Variants in RECQL observed in about 807,000 individuals in gnomAD.
RECQL encodes the protein RecQ like helicase.
Under a neutral mutation model 75.8 loss-of-function variants are expected in RECQL, and 73 were observed. The ratio of observed to expected loss-of-function variants is 0.96; its 90% CI spans 0.80 to 1.17. RECQL has a LOEUF of 1.17. RECQL is among the 50% of genes most tolerant of loss of function. The probability of loss-of-function intolerance (pLI) is 0.00; values close to 1 mark genes in which losing one functional copy is unlikely to be tolerated. For missense variants in RECQL, 699 were observed against 772.1 expected, an observed-to-expected ratio of 0.91 and a Z score of 1.12; for synonymous variants, 248 against 254.4, an observed-to-expected ratio of 0.97 and a Z score of 0.24.
At chr12:21,488,448 C>G (rs1943347281) in intron 4 of RECQL, among the ~76,000 whole-genome samples, 1 of 152,168 alleles carries the variant, frequency 6.6e-6, no homozygotes, top group Non-Finnish European at 1.5e-5. Context: ...CAGTGGCCAT[C>G]TCCACACTAA....
chr12:21,476,847 T>TA (rs1343509276), intron 8 of RECQL, 64 bp downstream of exon 8: 12 of 1,010,040 alleles, frequency 1.2e-5, no homozygotes, highest in African/African-American at 1.6e-5. Context: ...TAATTATCAA[T>TA]ATGATATGAA....
intron 6 of RECQL, among the ~76,000 whole-genome samples, chr12:21,478,746 A>T (rs1943134902): frequency 6.6e-6 from 1 of 152,152 alleles, no homozygotes; most frequent in African/African-American, 2.4e-5. Context: ...TCCAAGTTAG[A>T]GCTGACCCAA....
Position 21,490,290 on chromosome 12 carries a change from G to T in RECQL, c.303C>A (p.Asn101Lys). The T allele has an allele frequency of 1.2e-6, 2 of 1,612,400 alleles. No homozygotes were observed. Among genetic ancestry groups the T allele is most frequent in the Non-Finnish European group, 1.7e-6 (2 of 1,178,674 alleles). The change falls in exon 4 of 15, where the codon AAC (asparagine) becomes AAA (lysine). Residue 101 changes from asparagine to lysine, a missense_variant. This residue lies in a region of RECQL where 669 missense variants were observed against 713.5 expected (regional missense o/e 0.94). Transcript: ENST00000444129. ...KFRPLQLETI[N>K]VTMAGKEVFL... The stretch of plus-strand genomic sequence containing the variant: ...ATACCTCCTTTCCAGCCATTGTTAC[G>T]TTAATAGTTTCAAGCTGAAGTGGTC...
At chr12:21,488,702 C>T (rs11836710) in intron 4 of RECQL, among the ~76,000 whole-genome samples, 3,855 of 152,270 alleles carry the variant, frequency 0.025, 56 homozygotes, top group Middle Eastern at 0.044. Context: ...TCTCCTTTCC[C>T]CCCAAGCAAT....
intron 12 of RECQL, among the ~76,000 whole-genome samples, chr12:21,472,327 C>T (rs1049554917): frequency 6.6e-6 from 1 of 152,010 alleles, no homozygotes; most frequent in Non-Finnish European, 1.5e-5. Context: ...CAGTTTCATG[C>T]AAGAAACAAT....
intron 2 of RECQL, among the ~76,000 whole-genome samples, chr12:21,497,273 C>T (rs1943525618): frequency 6.6e-6 from 1 of 152,170 alleles, no homozygotes; most frequent in Non-Finnish European, 1.5e-5. Flanking sequence ...GCCTCCTCCT[C>T]CTCAACCTGT....
At chr12:21,496,820 T>A (rs938511046) in intron 2 of RECQL, among the ~76,000 whole-genome samples, 6 of 152,176 alleles carry the variant, frequency 3.9e-5, no homozygotes, top group African/African-American at 1.4e-4. Context: ...ATTTACCAAG[T>A]AACCCCAAAA....
intron 13 of RECQL, 140 bp from the exon 14 acceptor site, chr12:21,471,238 C>A: frequency 9.7e-7 from 1 of 1,028,776 alleles, no homozygotes; most frequent in Non-Finnish European, 1.4e-6. Context: ...GCAAATAAAG[C>A]CTTTAAAGAA....
chr12:21,470,191 A>G lies in RECQL; in HGVS notation c.*3T>C, dbSNP rs368836874. On this transcript the variant is annotated 3_prime_UTR_variant, in exon 15 of 15. Coordinates refer to ENST00000444129, the MANE Select transcript of RECQL (RefSeq NM_002907.4). The stretch of plus-strand genomic sequence containing the variant: ...TTAATTAGAAAATTTAGTAACATTC[A>G]TATCAGGCATCATCGATTTTTCTTT... 3.1e-6 allele frequency: 5 copies of G among 1,611,356 alleles called. No individual in the cohort carries two copies. Among genetic ancestry groups the G allele is most frequent in the African/African-American group, 1.3e-5 (1 of 74,758 alleles).
intron 2 of RECQL, among the ~76,000 whole-genome samples, chr12:21,498,494 A>T (rs1943549055): frequency 6.6e-6 from 1 of 152,200 alleles, no homozygotes; most frequent in African/African-American, 2.4e-5. Flanking sequence ...AAAAAGCAAT[A>T]GTTCCATTAA....
intron 12 of RECQL, among the ~76,000 whole-genome samples, chr12:21,472,408 G>A (rs1435978657): frequency 5.3e-5 from 8 of 151,498 alleles, no homozygotes; most frequent in Admixed American, 2.0e-4. Context: ...GGAAAATGGC[G>A]GCTCCATAGA....
intron 13 of RECQL, 118 bp downstream of exon 13, chr12:21,471,306 ATTAC>A (rs1255152236): frequency 6.0e-6 from 6 of 1,005,546 alleles, no homozygotes; most frequent in Admixed American, 6.3e-5. Context: ...TTTTAGGTAA[ATTAC>A]TTTCTATAGC....
At position 21,469,842 on chromosome 12, in the gene RECQL, G is replaced by A. The variant is rs1942888706; in HGVS notation, c.*352C>T. ...AGTATCACTCAGTGAGCCTCTGTCA[G>A]TATAATATTGCTTTCAAAAAGATAG... On this transcript the variant is annotated 3_prime_UTR_variant, in exon 15 of 15. Transcript: ENST00000444129. The A allele has an allele frequency of 1.0e-5, 2 of 190,938 alleles. No homozygotes were observed. The highest frequency in any genetic ancestry group is 1.8e-4 in the South Asian group (2 of 10,922). 11.8% of individuals were successfully genotyped at this position (190,938 alleles called of 1,614,324 possible). A position where few individuals can be genotyped will look rare whatever the true frequency, so the allele number is the denominator to read the frequency against.
At chr12:21,480,081 C>T (rs1943164032) in intron 6 of RECQL, among the ~76,000 whole-genome samples, 1 of 152,112 alleles carries the variant, frequency 6.6e-6, no homozygotes, top group East Asian at 1.9e-4. Context: ...ATAAATATGC[C>T]ATTAGAGAGT....
chr12:21,485,962 T>A (rs910678761), intron 5 of RECQL, among the ~76,000 whole-genome samples: 9 of 152,210 alleles, frequency 5.9e-5, no homozygotes, highest in Non-Finnish European at 1.0e-4. Context: ...TAGGGTAACT[T>A]CTTAATAATT....
intron 2 of RECQL, 36 bp downstream of exon 2, chr12:21,499,519 C>A: frequency 1.3e-6 from 2 of 1,527,724 alleles, no homozygotes; most frequent in Non-Finnish European, 1.8e-6. Context: ...AGAAATAGAA[C>A]AGAAGGAAGA....
intron 6 of RECQL, among the ~76,000 whole-genome samples, chr12:21,482,579 C>T (rs999825443): frequency 1.6e-4 from 25 of 152,156 alleles, no homozygotes; most frequent in African/African-American, 5.6e-4. Flanking sequence ...TCAGGCACAA[C>T]GCCTGAAGCA....
intron 2 of RECQL, among the ~76,000 whole-genome samples, chr12:21,492,437 C>A (rs1454204551): frequency 1.3e-5 from 2 of 152,156 alleles, no homozygotes; most frequent in Admixed American, 6.5e-5. Flanking sequence ...TTCTCATATA[C>A]CTGCCTGCAT....
rs891285583 is a variant in RECQL, at chr12:21,483,363, A to G, written c.700+13T>C. 6 of 1,586,616 alleles carry G rather than the reference A, an allele frequency of 3.8e-6. No homozygotes were observed. In the African/African-American group the frequency reaches 6.8e-5, roughly 18 times the overall value. ...TATGACATCAAAAAGTTTTCTAGAT[A>G]AAACATACATACCAGGTCTGAAATC... On this transcript the variant is annotated intron_variant, in intron 6 of 14. Coordinates refer to ENST00000444129, the MANE Select transcript of RECQL (RefSeq NM_002907.4).
Sources: gnomAD v4.1 joint callset for allele counts (sites outside exome capture counted in the v4.1 genomes callset) on GRCh38, gnomAD v4.1.1 for gene constraint, gnomAD v4.1.1 regional missense constraint, MANE v1.5 for transcripts, NCBI Gene and HGNC (gene_info 2026-07-23, HGNC 2026-07-21) for gene names.